The following TESC variants were observed in gnomAD, a reference collection of about 807,000 sequenced individuals.
TESC encodes tescalcin.
In TESC, 19 loss-of-function variants were observed where a neutral mutation model predicts 31.0. That is an observed-to-expected ratio of 0.61 (90% confidence interval 0.43 to 0.90). The LOEUF (loss-of-function observed/expected upper bound fraction) is 0.90. Among genes scored for constraint, TESC ranks in the 40% least tolerant of loss-of-function variants. The pLI, the probability that TESC is intolerant of heterozygous loss-of-function variation, is 0.00. For missense variants in TESC, 248 were observed against 303.8 expected, an observed-to-expected ratio of 0.82 and a Z score of 1.36; for synonymous variants, 109 against 114.8, an observed-to-expected ratio of 0.95 and a Z score of 0.32.
chr12:117,096,979 C>T (rs1377259123), intron 1 of TESC, among the ~76,000 whole-genome samples: 1 of 152,196 alleles, frequency 6.6e-6, no homozygotes, highest in Non-Finnish European at 1.5e-5. Context: ...CCCTAAAGCT[C>T]CATTCTCATG....
At chr12:117,093,463 T>C (rs1235596169) in intron 1 of TESC, among the ~76,000 whole-genome samples, 2 of 152,262 alleles carry the variant, frequency 1.3e-5, no homozygotes, top group Non-Finnish European at 2.9e-5. Context: ...TCACCCAAGC[T>C]GGAGTGCAGT....
intron 1 of TESC, among the ~76,000 whole-genome samples, chr12:117,096,660 G>A (rs1207855658): frequency 1.3e-5 from 2 of 152,060 alleles, no homozygotes; most frequent in African/African-American, 4.8e-5. Flanking sequence ...CAACTTCAAG[G>A]GAGGTACTAT....
At chr12:117,082,188 G>A (rs545380920) in intron 1 of TESC, among the ~76,000 whole-genome samples, 22 of 152,068 alleles carry the variant, frequency 1.4e-4, no homozygotes, top group African/African-American at 4.6e-4. Flanking sequence ...GCAGCAGAGC[G>A]AGGGGCTGTC....
At chr12:117,089,063 G>A (rs1316545369) in intron 1 of TESC, among the ~76,000 whole-genome samples, 1 of 152,122 alleles carries the variant, frequency 6.6e-6, no homozygotes, top group Admixed American at 6.5e-5. Context: ...ACATCAGGTG[G>A]GTCAGAAAAA....
chr12:117,056,055 G>T (rs923292767), intron 3 of TESC, among the ~76,000 whole-genome samples: 1 of 151,670 alleles, frequency 6.6e-6, no homozygotes, highest in African/African-American at 2.4e-5. Context: ...TGAGTAGCTG[G>T]GATTACAGAT....
At chr12:117,095,926 G>A (rs1955387904) in intron 1 of TESC, among the ~76,000 whole-genome samples, 4 of 152,012 alleles carry the variant, frequency 2.6e-5, no homozygotes, top group Admixed American at 2.0e-4. Context: ...AGTAGGCTTG[G>A]GGATCCCATG....
chr12:117,047,585 C>CA (rs1954586820), intron 4 of TESC, among the ~76,000 whole-genome samples: 1 of 151,998 alleles, frequency 6.6e-6, no homozygotes, highest in African/African-American at 2.4e-5. Flanking sequence ...CCGCCATGCC[C>CA]AAGTAATTTT....
chr12:117,039,020 G>T lies in TESC; in HGVS notation c.*113C>A. On this transcript the variant is annotated 3_prime_UTR_variant, in exon 8 of 8. Coordinates refer to ENST00000335209, the MANE Select transcript of TESC (RefSeq NM_017899.4). ...GACACAAGGTGCGCAGACGAGCCTT[G>T]GCTATGTACCGGCGCTGCAGGAAGA... The T allele has an allele frequency of 8.5e-7, 1 of 1,173,078 alleles. No homozygotes were observed. Among genetic ancestry groups the T allele is most frequent in the Non-Finnish European group, 1.2e-6 (1 of 807,336 alleles). 72.7% of individuals were successfully genotyped at this position (1,173,078 alleles called of 1,614,324 possible). A position where few individuals can be genotyped will look rare whatever the true frequency, so the allele number is the denominator to read the frequency against.
intron 2 of TESC, among the ~76,000 whole-genome samples, chr12:117,061,156 C>T (rs534614844): frequency 2.0e-5 from 3 of 152,324 alleles, no homozygotes; most frequent in South Asian, 2.1e-4. Flanking sequence ...ATGCTCAGCA[C>T]GGTGTCTGGT....
chr12:117,039,311 A>T, intron 7 of TESC, 101 bp from the exon 8 acceptor site: 1 of 1,121,614 alleles, frequency 8.9e-7, no homozygotes, highest in East Asian at 2.6e-5. Flanking sequence ...GTCTCCTGCC[A>T]CCAACTGTGA....
At chr12:117,062,549 G>A (rs987075603) in intron 2 of TESC, among the ~76,000 whole-genome samples, 2 of 152,164 alleles carry the variant, frequency 1.3e-5, no homozygotes, top group African/African-American at 2.4e-5. Context: ...TGAGGAAACT[G>A]AGGCAGAGAG....
chr12:117,084,962 G>A (rs1955196821), intron 1 of TESC, among the ~76,000 whole-genome samples: 1 of 152,222 alleles, frequency 6.6e-6, no homozygotes, highest in African/African-American at 2.4e-5. Context: ...TAGAGGCCAG[G>A]AAAGCAGATG....
chr12:117,089,701 T>C (rs987091329), intron 1 of TESC, among the ~76,000 whole-genome samples: 1 of 151,896 alleles, frequency 6.6e-6, no homozygotes, highest in Admixed American at 6.6e-5. Flanking sequence ...TCTAAGGAAA[T>C]GACCCAGCTG....
At chr12:117,045,590 C>T (rs546570432) in intron 6 of TESC, among the ~76,000 whole-genome samples, 7 of 152,294 alleles carry the variant, frequency 4.6e-5, no homozygotes, top group East Asian at 3.9e-4. Context: ...ATAAAATACA[C>T]GTCAGGAAAC....
intron 1 of TESC, among the ~76,000 whole-genome samples, chr12:117,076,846 G>C (rs1371453670): frequency 2.0e-5 from 3 of 152,204 alleles, no homozygotes; most frequent in Non-Finnish European, 2.9e-5. Flanking sequence ...CTGTGCGACT[G>C]ACCCCAAAGC....
At chr12:117,052,960 T>C (rs917008722) in intron 3 of TESC, among the ~76,000 whole-genome samples, 4 of 151,890 alleles carry the variant, frequency 2.6e-5, no homozygotes, top group Non-Finnish European at 4.4e-5. Flanking sequence ...CTCCTGGTAA[T>C]CCCCAATCCC....
intron 1 of TESC, among the ~76,000 whole-genome samples, chr12:117,095,749 G>T (rs767442425): frequency 6.6e-6 from 1 of 152,042 alleles, no homozygotes; most frequent in Non-Finnish European, 1.5e-5. Flanking sequence ...GTGTGGTGGC[G>T]CACACCTGCA....
chr12:117,069,536 CCAA>C (rs1395600606), intron 2 of TESC, among the ~76,000 whole-genome samples: 2 of 152,008 alleles, frequency 1.3e-5, no homozygotes, highest in Non-Finnish European at 2.9e-5. Flanking sequence ...CTGCGCCCGG[CCAA>C]CAATATGAAT....
At chr12:117,054,777 TCAC>T (rs1238140019) in intron 3 of TESC, among the ~76,000 whole-genome samples, 1 of 152,096 alleles carries the variant, frequency 6.6e-6, no homozygotes, top group Non-Finnish European at 1.5e-5. Context: ...CACGGTCTCA[TCAC>T]CACACCACGC....
Sources: gnomAD v4.1 joint callset for allele counts (sites outside exome capture counted in the v4.1 genomes callset) on GRCh38, gnomAD v4.1.1 for gene constraint, MANE v1.5 for transcripts, NCBI Gene and HGNC (gene_info 2026-07-23, HGNC 2026-07-21) for gene names.